Variants in VPS13B observed in about 807,000 individuals in gnomAD.
VPS13B encodes intermembrane lipid transfer protein VPS13B.
VPS13B carries 285 observed loss-of-function variants against 426.4 expected under a neutral mutation model. The observed-to-expected ratio is 0.67, with a 90% CI of 0.61 to 0.74. The LOEUF (loss-of-function observed/expected upper bound fraction) is 0.74. VPS13B is among the 30% of genes least tolerant of loss of function. VPS13B has a pLI of 0.00. For synonymous variants in VPS13B, 1,676 were observed against 1,676.4 expected, an observed-to-expected ratio of 1.00 and a Z score of 0.01; for missense variants, 4,537 against 4,782.6, an observed-to-expected ratio of 0.95 and a Z score of 1.51.
At chr8:99,502,517 C>G (rs773976567) in intron 26 of VPS13B, among the ~76,000 whole-genome samples, 10 of 152,068 alleles carry the variant, frequency 6.6e-5, no homozygotes, top group Non-Finnish European at 1.3e-4. Flanking sequence ...TATTAAAATT[C>G]ATCTAAAAGA....
intron 35 of VPS13B, among the ~76,000 whole-genome samples, chr8:99,666,761 C>T (rs973406762): frequency 1.3e-5 from 2 of 152,134 alleles, no homozygotes; most frequent in Non-Finnish European, 2.9e-5. Flanking sequence ...GACACGGATG[C>T]CCCCTCTTAC....
chr8:99,418,455 TTTTCTTTCTTTCTTTCTTTC>T lies in VPS13B; in HGVS notation c.3083-13041_3083-13022del, dbSNP rs59187307. On this transcript the variant is annotated intron_variant, in intron 21 of 61. Transcript: ENST00000357162. ...ATGAACAGTTAACACTTTATCATAG[TTTTCTTTCTTTCTTTCTTTC>T]TTTCTTTCTTTCTTTCTTTCTTTCT... 7.4e-3 allele frequency among the ~76,000 whole-genome samples: 914 copies of T among 122,738 alleles called. 10 individuals carry two copies. The highest frequency in any genetic ancestry group is 0.023 in the South Asian group (82 of 3,534). 80.5% of individuals were successfully genotyped at this position (122,738 alleles called of 152,430 possible).
chr8:99,028,544 C>T (rs1351749661), intron 2 of VPS13B, among the ~76,000 whole-genome samples: 1 of 104,788 alleles, frequency 9.5e-6, no homozygotes, highest in African/African-American at 3.6e-5. Context: ...ACCTCCCTCC[C>T]GGACGGGGCG....
intron 21 of VPS13B, among the ~76,000 whole-genome samples, chr8:99,413,061 T>A (rs1237968935): frequency 6.6e-6 from 1 of 152,240 alleles, no homozygotes; most frequent in African/African-American, 2.4e-5. Context: ...ATCAGGAAGA[T>A]GCTGGCCTCA....
intron 23 of VPS13B, among the ~76,000 whole-genome samples, chr8:99,447,769 AT>A (rs1027691816): frequency 2.0e-5 from 3 of 152,054 alleles, no homozygotes; most frequent in African/African-American, 7.2e-5. Context: ...CAGTATAGTC[AT>A]TTTTATTTTT....
chr8:99,413,548 G>A (rs1282549203), intron 21 of VPS13B, among the ~76,000 whole-genome samples: 3 of 151,954 alleles, frequency 2.0e-5, no homozygotes, highest in Admixed American at 6.6e-5. Context: ...GATCTTTTCT[G>A]CTTTCTCCTG....
intron 8 of VPS13B, among the ~76,000 whole-genome samples, chr8:99,130,071 A>C (rs1809696610): frequency 6.6e-6 from 1 of 152,176 alleles, no homozygotes; most frequent in Non-Finnish European, 1.5e-5. Flanking sequence ...TTGTGTATAA[A>C]ATTTTTATAG....
chr8:99,583,617 A>G (rs1287269341), intron 33 of VPS13B, among the ~76,000 whole-genome samples: 1 of 152,186 alleles, frequency 6.6e-6, no homozygotes, highest in Non-Finnish European at 1.5e-5. Flanking sequence ...AAAGTGAAAA[A>G]TTCTCCAAGA....
intron 39 of VPS13B, among the ~76,000 whole-genome samples, chr8:99,759,726 A>G (rs1397293444): frequency 6.6e-6 from 1 of 152,162 alleles, no homozygotes; most frequent in African/African-American, 2.4e-5. Context: ...CATCCCAGTA[A>G]ATGACATCAG....
rs994310952 is a variant in VPS13B at position 99,852,732 on chromosome 8, T to C, written c.10062-719T>C. ...AAGGAGAGGAGTTGGAGACAGTGTGTATAGAACACACTTTAGAGTTTCTGT... is the reference window on the plus strand; with the variant it reads ...AAGGAGAGGAGTTGGAGACAGTGTGCATAGAACACACTTTAGAGTTTCTGT... On this transcript the variant is annotated intron_variant, in intron 55 of 61. Transcript: ENST00000357162. Among the ~76,000 whole-genome samples the C allele has an allele frequency of 4.6e-5, 7 of 152,264 alleles. No individual in the cohort carries two copies. The East Asian group carries it at 1.2e-3, about 25-fold the overall frequency.
rs1563495224 is a variant in VPS13B at position 99,828,394 on chromosome 8, G to GC, written c.9331-3975_9331-3974insC. 1.9e-3 allele frequency among the ~76,000 whole-genome samples: 34 copies of GC among 17,444 alleles called. 5 individuals carry two copies. The highest frequency in any genetic ancestry group is 6.2e-3 in the Admixed American group (8 of 1,290). 11.4% of individuals were successfully genotyped at this position (17,444 alleles called of 152,430 possible). The stretch of plus-strand genomic sequence containing the variant: ...ATCAGAGACTAGGATTACAACCACC[G>GC]TTTTTTTTTTTTTTTTTTTTTTTTT... On this transcript the variant is annotated intron_variant, in intron 51 of 61. Transcript: ENST00000357162.
At chr8:99,695,942 C>A (rs1281776769) in intron 35 of VPS13B, 1 of 152,206 alleles carries the variant, frequency 6.6e-6, no homozygotes, top group Non-Finnish European at 1.5e-5. Context: ...GGGTAGTCCA[C>A]CCAGAAGTCC....
chr8:99,736,253 T>A (rs1217569016), intron 39 of VPS13B, among the ~76,000 whole-genome samples: 5 of 152,082 alleles, frequency 3.3e-5, no homozygotes, highest in African/African-American at 1.2e-4. Flanking sequence ...GATTCTCTCC[T>A]TAGAGGTGGA....
intron 33 of VPS13B, among the ~76,000 whole-genome samples, chr8:99,623,745 G>C (rs1828468943): frequency 6.6e-6 from 1 of 152,026 alleles, no homozygotes; most frequent in African/African-American, 2.4e-5. Context: ...ATCACTTCTT[G>C]GCCTTTTGGC....
chr8:99,576,063 T>C (rs939142289), intron 32 of VPS13B, among the ~76,000 whole-genome samples: 2 of 152,204 alleles, frequency 1.3e-5, no homozygotes, highest in African/African-American at 4.8e-5. Flanking sequence ...CTAACCAAGC[T>C]ACCCAGATTG....
chr8:99,104,302 G>GAT (rs1846923285), intron 5 of VPS13B, among the ~76,000 whole-genome samples: 1 of 152,166 alleles, frequency 6.6e-6, no homozygotes, highest in South Asian at 2.1e-4. Context: ...AGCCATCATA[G>GAT]ATATATAGTC....
chr8:99,148,768 C>G (rs1440120375), intron 14 of VPS13B, among the ~76,000 whole-genome samples: 1 of 152,224 alleles, frequency 6.6e-6, no homozygotes, highest in Non-Finnish European at 1.5e-5. Context: ...TCCCCTGTCC[C>G]TTGTTCTATA....
chr8:99,700,144 C>A (rs892787582), intron 36 of VPS13B, among the ~76,000 whole-genome samples: 2 of 152,182 alleles, frequency 1.3e-5, no homozygotes, highest in African/African-American at 4.8e-5. Context: ...TGTTCCTGTC[C>A]TCTTGAGGCA....
intron 7 of VPS13B, among the ~76,000 whole-genome samples, chr8:99,117,287 C>T (rs1010029070): frequency 1.3e-5 from 2 of 151,830 alleles, no homozygotes; most frequent in Non-Finnish European, 2.9e-5. Context: ...AAAAAAAATA[C>T]AAAATAACAG....
Sources: allele counts gnomAD v4.1 joint callset (sites outside exome capture counted in the v4.1 genomes callset), GRCh38; gene constraint gnomAD v4.1.1; transcripts MANE v1.5; gene names NCBI Gene and HGNC (gene_info 2026-07-23, HGNC 2026-07-21).